The following GFRA1 variants were observed in gnomAD, a reference collection of about 807,000 sequenced individuals.
GFRA1 encodes GDNF family receptor alpha-1.
A neutral mutation model predicts 51.6 loss-of-function variants in GFRA1; 16 were observed. The ratio of observed to expected loss-of-function variants is 0.31; its 90% CI spans 0.21 to 0.47. The LOEUF (loss-of-function observed/expected upper bound fraction) is 0.47, where lower values mean the gene tolerates loss of function less well. Ranked by LOEUF, GFRA1 falls within the 20% of genes least tolerant of loss-of-function variation. The probability of loss-of-function intolerance (pLI) is 1.00; values close to 1 mark genes in which losing one functional copy is unlikely to be tolerated. For synonymous variants in GFRA1, 270 were observed against 241.3 expected, an observed-to-expected ratio of 1.12 and a Z score of -1.10; for missense variants, 530 against 594.3, an observed-to-expected ratio of 0.89 and a Z score of 1.13.
rs1954844857 is a variant in GFRA1 at position 116,062,084 on chromosome 10, G to A, written c.*2314C>T. 11 of 398,582 alleles carry A rather than the reference G, an allele frequency of 2.8e-5. No individual in the cohort carries two copies. The East Asian group carries it at 3.9e-4, about 14-fold the overall frequency. The allele number at this position is 398,582 out of a possible 1,614,324, so 24.7% of individuals were successfully genotyped here. A position where few individuals can be genotyped will look rare whatever the true frequency, so the allele number is the denominator to read the frequency against. ...TGTAATTTATATATTGCCTACCCAT[G>A]CATTCTTCAATGAAGGCTGCCCTTG... On this transcript the variant is annotated 3_prime_UTR_variant, in exon 11 of 11. Coordinates refer to ENST00000355422, the MANE Select transcript of GFRA1 (RefSeq NM_005264.8).
upstream of GFRA1, among the ~76,000 whole-genome samples, chr10:116,273,671 G>C (rs61864772): frequency 2.9e-3 from 422 of 147,540 alleles, no homozygotes; most frequent in African/African-American, 9.8e-3. Context: ...CTCTCTCTCT[G>C]TCTCTCTCTC....
intron 6 of GFRA1, 138 bp from the exon 7 acceptor site, chr10:116,096,902 T>C (rs868403138): frequency 1.4e-4 from 89 of 641,282 alleles, no homozygotes; most frequent in Admixed American, 7.3e-4. Context: ...CACACACACA[T>C]ACACACAAAA....
chr10:116,120,826 C>T (rs187984722), intron 6 of GFRA1, among the ~76,000 whole-genome samples: 2 of 152,280 alleles, frequency 1.3e-5, no homozygotes, highest in East Asian at 1.9e-4. Context: ...CTCTGCTGCA[C>T]GTGCTGAATG....
At chr10:116,100,230 TACA>T (rs753884736) in intron 6 of GFRA1, among the ~76,000 whole-genome samples, 1 of 152,238 alleles carries the variant, frequency 6.6e-6, no homozygotes, top group Non-Finnish European at 1.5e-5. Context: ...GAAGTATTTG[TACA>T]TGCCAGGTAC....
intron 4 of GFRA1, 30 bp from the exon 5 acceptor site, chr10:116,211,675 G>A (rs1039385153): frequency 6.5e-7 from 1 of 1,535,160 alleles, no homozygotes; most frequent in African/African-American, 1.4e-5. Context: ...GTAGGGGAGG[G>A]GAGAGGGGAG....
At chr10:116,084,744 ATTTAC>A (rs1956011854) in intron 9 of GFRA1, among the ~76,000 whole-genome samples, 1 of 149,882 alleles carries the variant, frequency 6.7e-6, no homozygotes, top group Non-Finnish European at 1.5e-5. Context: ...TTCCAAAGAT[ATTTAC>A]TTTAAATAAG....
chr10:116,071,495 AG>A (rs1214726730), intron 9 of GFRA1, among the ~76,000 whole-genome samples: 2 of 152,180 alleles, frequency 1.3e-5, no homozygotes, highest in Non-Finnish European at 2.9e-5. Context: ...ATTTAGGTGA[AG>A]CCTCCAATAA....
intron 4 of GFRA1, among the ~76,000 whole-genome samples, chr10:116,241,194 T>C (rs1381526229): frequency 6.6e-6 from 1 of 152,184 alleles, no homozygotes; most frequent in African/African-American, 2.4e-5. Context: ...TTGCCAGAAC[T>C]TAAAGAACTT....
chr10:116,245,501 G>A lies in GFRA1; in HGVS notation c.418+24002C>T, dbSNP rs117853568. On this transcript the variant is annotated intron_variant, in intron 4 of 10. Coordinates refer to ENST00000355422, the MANE Select transcript of GFRA1 (RefSeq NM_005264.8). ...AGTGGGAATGCAAAATGGTACAGCC[G>A]CTTTGCAAGACAGTTTGGACAGTTT... Among the ~76,000 whole-genome samples the A allele has an allele frequency of 2.2e-3, 331 of 152,332 alleles. 2 individuals carry two copies. The highest frequency in any genetic ancestry group is 3.7e-3 in the Admixed American group (57 of 15,300).
At chr10:116,145,692 C>T (rs1021742887) in intron 5 of GFRA1, among the ~76,000 whole-genome samples, 6 of 152,048 alleles carry the variant, frequency 3.9e-5, no homozygotes, top group South Asian at 2.1e-4. Context: ...AATACCTGAG[C>T]GAAAGAATTT....
intron 5 of GFRA1, among the ~76,000 whole-genome samples, chr10:116,208,796 G>A (rs1483654257): frequency 1.3e-5 from 2 of 152,240 alleles, no homozygotes; most frequent in Non-Finnish European, 2.9e-5. Flanking sequence ...GCGTGCATGT[G>A]TGTTTGTGTG....
intron 7 of GFRA1, among the ~76,000 whole-genome samples, chr10:116,096,020 G>A (rs763581059): frequency 6.6e-6 from 1 of 152,070 alleles, no homozygotes; most frequent in Admixed American, 6.5e-5. Context: ...CGGCAGTCAT[G>A]CGTAATCACA....
At chr10:116,099,918 GTTA>G (rs1213816005) in intron 6 of GFRA1, among the ~76,000 whole-genome samples, 1 of 152,152 alleles carries the variant, frequency 6.6e-6, no homozygotes, top group Non-Finnish European at 1.5e-5. Flanking sequence ...CAAAATAATT[GTTA>G]TTGTTATTTT....
chr10:116,197,973 A>G (rs1964026704), intron 5 of GFRA1, among the ~76,000 whole-genome samples: 1 of 152,210 alleles, frequency 6.6e-6, no homozygotes, highest in South Asian at 2.1e-4. Context: ...CAGCAGTGGC[A>G]GGTCACGGAG....
intron 6 of GFRA1, among the ~76,000 whole-genome samples, chr10:116,101,843 A>T (rs1956828632): frequency 6.6e-6 from 1 of 152,196 alleles, no homozygotes. Context: ...CTCATGAACC[A>T]AAGTTCCTGA....
intron 4 of GFRA1, among the ~76,000 whole-genome samples, chr10:116,257,224 C>T (rs1332695012): frequency 6.6e-6 from 1 of 152,162 alleles, no homozygotes; most frequent in Non-Finnish European, 1.5e-5. Flanking sequence ...CAGGATGACC[C>T]AGCTTCCTGG....
chr10:116,242,527 G>T (rs1054132485), intron 4 of GFRA1, among the ~76,000 whole-genome samples: 7 of 151,818 alleles, frequency 4.6e-5, no homozygotes, highest in Non-Finnish European at 1.0e-4. Context: ...TGTCGCCCAG[G>T]CTGGAGTGCA....
intron 5 of GFRA1, among the ~76,000 whole-genome samples, chr10:116,180,870 A>G (rs1962150340): frequency 6.6e-6 from 1 of 152,190 alleles, no homozygotes; most frequent in African/African-American, 2.4e-5. Flanking sequence ...TCTAGAAAGC[A>G]ACCTTTTCCT....
chr10:116,091,932 G>A (rs185687396), intron 8 of GFRA1, among the ~76,000 whole-genome samples: 29 of 152,256 alleles, frequency 1.9e-4, no homozygotes, highest in African/African-American at 6.5e-4. Flanking sequence ...CACCAAAAAG[G>A]TTATAAAGCA....
Sources: gnomAD v4.1 joint callset for allele counts (sites outside exome capture counted in the v4.1 genomes callset) on GRCh38, gnomAD v4.1.1 for gene constraint, MANE v1.5 for transcripts, NCBI Gene and HGNC (gene_info 2026-07-23, HGNC 2026-07-21) for gene names.